The following ANKRD11 variants were observed in gnomAD, a reference collection of about 807,000 sequenced individuals.
ANKRD11 encodes the protein ankyrin repeat domain-containing protein 11.
A neutral mutation model predicts 195.7 loss-of-function variants in ANKRD11; 17 were observed. The observed-to-expected ratio is 0.09, with a 90% CI of 0.06 to 0.13. ANKRD11 has a LOEUF of 0.13. Among genes scored for constraint, ANKRD11 ranks in the 10% least tolerant of loss-of-function variants. The probability of loss-of-function intolerance (pLI) is 1.00; values close to 1 mark genes in which losing one functional copy is unlikely to be tolerated. For synonymous variants in ANKRD11, 1,953 were observed against 1,528.1 expected, an observed-to-expected ratio of 1.28 and a Z score of -6.49; for missense variants, 3,735 against 3,566.1, an observed-to-expected ratio of 1.05 and a Z score of -1.21.
chr16:89,318,814 A>G (rs963463126), intron 2 of ANKRD11, among the ~76,000 whole-genome samples: 14 of 152,222 alleles, frequency 9.2e-5, no homozygotes, highest in Non-Finnish European at 1.3e-4. Flanking sequence ...GGTCGGGTCA[A>G]CGTATTCACT....
intron 2 of ANKRD11, among the ~76,000 whole-genome samples, chr16:89,321,566 A>T (rs1372645454): frequency 6.6e-6 from 1 of 152,044 alleles, no homozygotes; most frequent in Non-Finnish European, 1.5e-5. Flanking sequence ...TCCGTGGACC[A>T]TGGAGACTCA....
chr16:89,418,179 C>CTA (rs1330428113), intron 2 of ANKRD11, 105 bp downstream of exon 2: 3 of 425,450 alleles, frequency 7.1e-6, no homozygotes, highest in Non-Finnish European at 1.5e-5. Flanking sequence ...AAAACTCTAT[C>CTA]AAGTCCAAGA....
intron 2 of ANKRD11, among the ~76,000 whole-genome samples, chr16:89,363,984 C>T (rs1300009443): frequency 6.6e-6 from 1 of 152,100 alleles, no homozygotes; most frequent in Non-Finnish European, 1.5e-5. Flanking sequence ...AGCTTGAGCC[C>T]GGGAGTTGGA....
At position 89,285,286 on chromosome 16, in the gene ANKRD11, G is replaced by A. The variant is rs373149812; in HGVS notation, c.1256C>T (p.Thr419Ile). The change falls in exon 9 of 13, where the codon ACC becomes ATC. Residue 419 changes from threonine (T) to isoleucine (I), a missense_variant. Transcript: ENST00000301030. The surrounding 1 kb of genome is among the most constrained non-coding windows in gnomAD (Gnocchi z 5.6). ...DTSDEEDASVTVGTGEKLRLS... is the reference protein window; with the variant it reads ...DTSDEEDASVIVGTGEKLRLS... ...TCTCAGCTTCTCTCCTGTCCCCACG[G>A]TGACACTCGCGTCCTCCTCGTCCGA... is the stretch of plus-strand genomic sequence containing the variant. The A allele has an allele frequency of 4.3e-6, 7 of 1,613,770 alleles. No individual in the cohort carries two copies. In the African/African-American group the frequency reaches 9.3e-5, roughly 22 times the overall value.
chr16:89,304,966 G>A lies in ANKRD11; in HGVS notation c.226+240C>T, dbSNP rs749404432. 152 of 597,662 alleles carry A rather than the reference G, an allele frequency of 2.5e-4. No homozygotes were observed. In the Middle Eastern group the frequency reaches 4.1e-3, roughly 16 times the overall value. The allele number at this position is 597,662 out of a possible 1,614,324, so 37.0% of individuals were successfully genotyped here. Reference sequence around the variant, plus strand: ...GGACATGCACCGGGTGCATCTCCACGTGTGTGGGACCCAAGAGTGAAGCTC... The same window carrying A: ...GGACATGCACCGGGTGCATCTCCACATGTGTGGGACCCAAGAGTGAAGCTC... On this transcript the variant is annotated intron_variant, in intron 4 of 12. Coordinates refer to ENST00000301030, the MANE Select transcript of ANKRD11 (RefSeq NM_013275.6).
chr16:89,340,381 G>A lies in ANKRD11; in HGVS notation c.-59-23303C>T, dbSNP rs1455520673. Among the ~76,000 whole-genome samples, 10 of 152,198 alleles carry A rather than the reference G, an allele frequency of 6.6e-5. No homozygotes were observed. The East Asian group carries it at 1.5e-3, about 23-fold the overall frequency. Reference sequence around the variant, plus strand: ...CAACCTCCACCTCCCGGGTTCAAGCGGTTCTCCTGCAGCCCCCTGAGTAGC... The same window carrying A: ...CAACCTCCACCTCCCGGGTTCAAGCAGTTCTCCTGCAGCCCCCTGAGTAGC... On this transcript the variant is annotated intron_variant, in intron 2 of 12. Coordinates refer to ENST00000301030, the MANE Select transcript of ANKRD11 (RefSeq NM_013275.6).
intron 3 of ANKRD11, among the ~76,000 whole-genome samples, chr16:89,308,798 C>T (rs938770364): frequency 5.3e-5 from 8 of 151,990 alleles, no homozygotes; most frequent in African/African-American, 1.9e-4. Flanking sequence ...GGGTGCGCGC[C>T]GTGAGAAACG....
chr16:89,401,538 T>C (rs1002947968), intron 2 of ANKRD11, among the ~76,000 whole-genome samples: 2 of 152,210 alleles, frequency 1.3e-5, no homozygotes, highest in Non-Finnish European at 2.9e-5. Context: ...ACATGTTTTA[T>C]CTTGGGTGGA....
At chr16:89,388,747 C>G (rs909400127) in intron 2 of ANKRD11, among the ~76,000 whole-genome samples, 1 of 152,170 alleles carries the variant, frequency 6.6e-6, no homozygotes, top group African/African-American at 2.4e-5. Flanking sequence ...TCACACAGGT[C>G]TGGAATGGTG....
chr16:89,483,500 T>C (rs1297943283), intron 1 of ANKRD11, among the ~76,000 whole-genome samples: 2 of 152,250 alleles, frequency 1.3e-5, no homozygotes, highest in Non-Finnish European at 2.9e-5. Context: ...AATTCAAAGA[T>C]ACCTCTCGCA....
chr16:89,318,131 C>T (rs1378334424), intron 2 of ANKRD11, among the ~76,000 whole-genome samples: 1 of 152,248 alleles, frequency 6.6e-6, no homozygotes, highest in African/African-American at 2.4e-5. Flanking sequence ...GAGGCTGCCC[C>T]TCTGCGACAC....
At position 89,490,483 on chromosome 16, in the gene ANKRD11, C is replaced by G. The variant is rs888772214; in HGVS notation, c.-383G>C. The G allele has an allele frequency of 4.5e-5, 20 of 448,970 alleles. No homozygotes were observed. Among genetic ancestry groups the G allele is most frequent in the African/African-American group, 1.6e-4 (8 of 48,510 alleles). The allele number at this position is 448,970 out of a possible 1,614,324, so 27.8% of individuals were successfully genotyped here. The stretch of plus-strand genomic sequence containing the variant: ...CCCGGTGCGGACGCTACTGATGGGG[C>G]GTCTGGCCGCGGGCTCGGCGGCGGC... On this transcript the variant is annotated 5_prime_UTR_variant, in exon 1 of 13. Coordinates refer to ENST00000301030, the MANE Select transcript of ANKRD11 (RefSeq NM_013275.6).
At chr16:89,331,727 C>G (rs2151967265) in intron 2 of ANKRD11, among the ~76,000 whole-genome samples, 3 of 152,246 alleles carry the variant, frequency 2.0e-5, no homozygotes, top group Admixed American at 2.0e-4. Context: ...TTCAAGGGAT[C>G]CTCCTGCCTC....
chr16:89,288,909 C>A, intron 6 of ANKRD11: 1 of 606,210 alleles, frequency 1.6e-6, no homozygotes, highest in Non-Finnish European at 2.9e-6. Context: ...GGACTGACAA[C>A]CTGCAGGGCT....
intron 1 of ANKRD11, among the ~76,000 whole-genome samples, chr16:89,463,149 G>A (rs1387825501): frequency 2.0e-5 from 3 of 152,084 alleles, no homozygotes; most frequent in Admixed American, 6.5e-5. Flanking sequence ...CCCTCTGCCC[G>A]GCCACCACCC....
chr16:89,449,465 C>A (rs991737081), intron 1 of ANKRD11, among the ~76,000 whole-genome samples: 6 of 151,868 alleles, frequency 4.0e-5, no homozygotes, highest in African/African-American at 1.4e-4. Flanking sequence ...TAAATTATAC[C>A]CACACACCCC....
At chr16:89,462,954 G>C (rs1597486007) in intron 1 of ANKRD11, among the ~76,000 whole-genome samples, 1 of 151,202 alleles carries the variant, frequency 6.6e-6, no homozygotes, top group African/African-American at 2.4e-5. Flanking sequence ...GAGGTGGGGG[G>C]GGTCAGCCCC....
At position 89,279,228 on chromosome 16, in the gene ANKRD11, G is replaced by A. The variant is rs1176918380; in HGVS notation, c.7314C>T (p.Tyr2438=). 6.2e-7 allele frequency: 1 copy of A among 1,612,176 alleles called. No individual in the cohort carries two copies. The highest frequency in any genetic ancestry group is 8.5e-7 in the Non-Finnish European group (1 of 1,179,810). ...EPYHSDRANP[Y]FEYLQIRKKI... The stretch of plus-strand genomic sequence containing the variant: ...TCTTCCTGATCTGCAGGTATTCGAA[G>A]TAGGGGTTGGCCCTGTCGCTGTGGT... The change falls in exon 9 of 13, where the codon TAC becomes TAT. Residue 2438 remains tyrosine (Y), a synonymous_variant. Transcript: ENST00000301030. The surrounding 1 kb of genome is among the most constrained non-coding windows in gnomAD (Gnocchi z 5.6).
At chr16:89,294,342 T>TTTCACCCAGCTCTCCCTGTCC (rs2035270843) in intron 4 of ANKRD11, among the ~76,000 whole-genome samples, 1 of 152,014 alleles carries the variant, frequency 6.6e-6, no homozygotes, top group Non-Finnish European at 1.5e-5. Context: ...AGCAGCAACT[T>TTTCACCCAGCTCTCCCTGTCC]TTCACCCAGC....
Sources: allele counts gnomAD v4.1 joint callset (sites outside exome capture counted in the v4.1 genomes callset), GRCh38; gene constraint gnomAD v4.1.1; non-coding constraint Gnocchi (gnomAD v3.1); transcripts MANE v1.5; gene names NCBI Gene and HGNC (gene_info 2026-07-23, HGNC 2026-07-21).